Variants in GRM1 observed in about 807,000 individuals in gnomAD.
GRM1 encodes metabotropic glutamate receptor 1.
In GRM1, 33 loss-of-function variants were observed where a neutral mutation model predicts 90.9. The observed-to-expected ratio is 0.36, with a 90% CI of 0.28 to 0.49. The LOEUF is 0.49. GRM1 is among the 20% of genes least tolerant of loss of function. The pLI is 0.99. For missense variants in GRM1, 1,190 were observed against 1,534.3 expected (o/e 0.78, Z 3.75); for synonymous variants, 700 against 613.2 (o/e 1.14, Z -2.09).
At chr6:146,250,624 A>G (rs1195501258) in intron 2 of GRM1, among the ~76,000 whole-genome samples, 1 of 152,190 alleles carries the variant, frequency 6.6e-6, no homozygotes, top group Non-Finnish European at 1.5e-5. Context: ...GTGTGTTTTC[A>G]CACTGCTATA....
intron 2 of GRM1, among the ~76,000 whole-genome samples, chr6:146,184,783 C>A (rs1778669745): frequency 6.6e-6 from 1 of 152,134 alleles, no homozygotes; most frequent in Admixed American, 6.6e-5. Flanking sequence ...AGGGATGTAG[C>A]CTGATGAAGC....
chr6:146,104,898 A>G (rs1253075093), intron 1 of GRM1, among the ~76,000 whole-genome samples: 1 of 152,226 alleles, frequency 6.6e-6, no homozygotes, highest in Non-Finnish European at 1.5e-5. Context: ...AAACTTGTAT[A>G]GGTGACACAA....
chr6:146,305,631 G>T (rs1457497503), intron 3 of GRM1, among the ~76,000 whole-genome samples: 1 of 152,136 alleles, frequency 6.6e-6, no homozygotes, highest in African/African-American at 2.4e-5. Context: ...TTCTTACTGG[G>T]TCGATAGCAT....
chr6:146,181,387 G>A (rs1778547651), intron 2 of GRM1, among the ~76,000 whole-genome samples: 1 of 152,078 alleles, frequency 6.6e-6, no homozygotes, highest in Non-Finnish European at 1.5e-5. Context: ...CACCATCCTA[G>A]GATATGAACA....
intron 7 of GRM1, among the ~76,000 whole-genome samples, chr6:146,416,904 G>A (rs1777807294): frequency 6.6e-6 from 1 of 152,114 alleles, no homozygotes; most frequent in Non-Finnish European, 1.5e-5. Context: ...CCTGTGCCTT[G>A]TGTAGCCTAA....
At position 146,118,637 on chromosome 6, in the gene GRM1, T is replaced by C. The variant is rs1013885280; in HGVS notation, c.701-40711T>C. Among the ~76,000 whole-genome samples, 6 of 152,324 alleles carry C rather than the reference T, an allele frequency of 3.9e-5. No homozygotes were observed. In the East Asian group the frequency reaches 1.2e-3, roughly 29 times the overall value. On this transcript the variant is annotated intron_variant, in intron 1 of 7. Transcript: ENST00000282753. ...CCCTGGCATGTGATGTTCCCTTTCC[T>C]GTGTCCAGGTGTTCTCATTGTTCAA...
At chr6:146,227,161 A>C (rs1235360272) in intron 2 of GRM1, among the ~76,000 whole-genome samples, 1 of 152,092 alleles carries the variant, frequency 6.6e-6, no homozygotes. Context: ...AAATATCTAA[A>C]TACTCAGAAA....
Position 146,434,225 on chromosome 6 carries a change from C to T in GRM1, c.3014C>T (p.Ala1005Val). 1 of 1,605,934 alleles carries T rather than the reference C, an allele frequency of 6.2e-7. No individual in the cohort carries two copies. Among genetic ancestry groups the T allele is most frequent in the Non-Finnish European group, 8.5e-7 (1 of 1,174,626 alleles). ...GCAGAGGAGACCCCCCTCTTCCTGGCCGAACCAGCCCTCCCCAAGGGCTTG... is the reference window on the plus strand; with the variant it reads ...GCAGAGGAGACCCCCCTCTTCCTGGTCGAACCAGCCCTCCCCAAGGGCTTG... Reference protein sequence around the residue: ...LTAEETPLFLAEPALPKGLPP... With the variant: ...LTAEETPLFLVEPALPKGLPP... Residue 1005 changes from alanine to valine, a missense_variant, in exon 8 of 8, where the codon GCC becomes GTC. Physicochemically the swap from Ala to Val is moderately conservative, Grantham distance 64. Transcript: ENST00000282753.
intron 2 of GRM1, among the ~76,000 whole-genome samples, chr6:146,202,223 A>T (rs1562526242): frequency 6.6e-6 from 1 of 152,234 alleles, no homozygotes; most frequent in Admixed American, 6.5e-5. Context: ...TAATATGTTC[A>T]TTTTAAGTAT....
intron 1 of GRM1, among the ~76,000 whole-genome samples, chr6:146,155,403 A>T (rs1474660378): frequency 6.6e-6 from 1 of 152,238 alleles, no homozygotes; most frequent in Non-Finnish European, 1.5e-5. Context: ...GATATACCAT[A>T]GGTGTATAGT....
intron 2 of GRM1, among the ~76,000 whole-genome samples, chr6:146,165,721 A>G (rs1777881665): frequency 6.6e-6 from 1 of 152,140 alleles, no homozygotes; most frequent in Non-Finnish European, 1.5e-5. Flanking sequence ...AAAAAGACTG[A>G]GAAATGTTGC....
intron 2 of GRM1, among the ~76,000 whole-genome samples, chr6:146,195,256 A>G (rs1461228348): frequency 6.6e-6 from 1 of 152,222 alleles, no homozygotes; most frequent in African/African-American, 2.4e-5. Flanking sequence ...TAAATTATTG[A>G]TTTGAAGGCC....
rs536365533 is a variant in GRM1, at chr6:146,339,723, T to A, written c.1187-12527T>A. On this transcript the variant is annotated intron_variant, in intron 3 of 7. Coordinates refer to ENST00000282753, the MANE Select transcript of GRM1 (RefSeq NM_001278064.2). ...AGCAAAGTGCGCTGATATCACAGAG[T>A]CTACTCTGACAATACAAAGAAGGTT... Among the ~76,000 whole-genome samples the A allele has an allele frequency of 3.3e-5, 5 of 152,194 alleles. No individual in the cohort carries two copies. The East Asian group carries it at 7.7e-4, about 24-fold the overall frequency.
chr6:146,137,483 G>A (rs1776668318), intron 1 of GRM1, among the ~76,000 whole-genome samples: 1 of 152,166 alleles, frequency 6.6e-6, no homozygotes. Flanking sequence ...TAGATATACA[G>A]ATTTGTTTCT....
At chr6:146,138,119 T>G (rs1583056484) in intron 1 of GRM1, among the ~76,000 whole-genome samples, 1 of 152,174 alleles carries the variant, frequency 6.6e-6, no homozygotes, top group East Asian at 1.9e-4. Context: ...TAATTTGACT[T>G]CTTCCTTTTC....
At chr6:146,202,840 C>T (rs189229385) in intron 2 of GRM1, among the ~76,000 whole-genome samples, 37 of 152,288 alleles carry the variant, frequency 2.4e-4, no homozygotes, top group Non-Finnish European at 3.8e-4. Flanking sequence ...AAGGCTCTAC[C>T]TCAGTGATTC....
chr6:146,420,365 C>G (rs1777948816), intron 7 of GRM1, among the ~76,000 whole-genome samples: 1 of 152,174 alleles, frequency 6.6e-6, no homozygotes, highest in African/African-American at 2.4e-5. Context: ...TAAAGAAAGA[C>G]CCACCAGATG....
chr6:146,119,459 T>C (rs1412909416), intron 1 of GRM1, among the ~76,000 whole-genome samples: 1 of 152,262 alleles, frequency 6.6e-6, no homozygotes, highest in Non-Finnish European at 1.5e-5. Context: ...ATCCCATTTG[T>C]CAATTTTGGC....
At chr6:146,386,310 T>G (rs1000632681) in intron 5 of GRM1, among the ~76,000 whole-genome samples, 5 of 152,038 alleles carry the variant, frequency 3.3e-5, no homozygotes, top group African/African-American at 9.7e-5. Flanking sequence ...TACCAGTACT[T>G]GTTATGATCT....
Sources: gnomAD v4.1 joint callset for allele counts (sites outside exome capture counted in the v4.1 genomes callset) on GRCh38, gnomAD v4.1.1 for gene constraint, MANE v1.5 for transcripts, NCBI Gene and HGNC (gene_info 2026-07-23, HGNC 2026-07-21) for gene names.